CUL2: variants seen among roughly 807,000 people sequenced by gnomAD.
The protein encoded by CUL2 is cullin-2.
Under a neutral mutation model 110.2 loss-of-function variants are expected in CUL2, and 22 were observed. The ratio of observed to expected loss-of-function variants is 0.20; its 90% CI spans 0.14 to 0.28. The LOEUF is 0.28. Among genes scored for constraint, CUL2 ranks in the 10% least tolerant of loss-of-function variants. The pLI, the probability that CUL2 is intolerant of heterozygous loss-of-function variation, is 1.00. For missense variants in CUL2, 631 were observed against 905.5 expected (o/e 0.70, Z 3.89); for synonymous variants, 279 against 293.2 (o/e 0.95, Z 0.49).
chr10:35,063,123 T>C, intron 2 of CUL2, 61 bp from the exon 3 acceptor site: 2 of 975,796 alleles, frequency 2.0e-6, no homozygotes, highest in Non-Finnish European at 3.2e-6. Context: ...TAATGAGATT[T>C]ACCTTGTTTG....
chr10:35,082,099 C>A (rs2086958292), intron 1 of CUL2, among the ~76,000 whole-genome samples: 1 of 151,634 alleles, frequency 6.6e-6, no homozygotes, highest in African/African-American at 2.4e-5. Context: ...GAGTTCAAGA[C>A]CAGCCTGGGA....
At chr10:35,013,614 T>C (rs888916229) in intron 19 of CUL2, 85 bp downstream of exon 19, 3 of 859,248 alleles carry the variant, frequency 3.5e-6, no homozygotes, top group Admixed American at 3.2e-5. Flanking sequence ...GTGCAAAGTT[T>C]TGCACAATCT....
chr10:35,040,653 G>A (rs547174266), intron 8 of CUL2, among the ~76,000 whole-genome samples: 7 of 152,266 alleles, frequency 4.6e-5, no homozygotes, highest in East Asian at 1.9e-4. Flanking sequence ...GGGCAAGAAG[G>A]GGTCTAGAGC....
At chr10:35,027,860 G>C (rs2085375101) in intron 16 of CUL2, among the ~76,000 whole-genome samples, 1 of 152,100 alleles carries the variant, frequency 6.6e-6, no homozygotes, top group South Asian at 2.1e-4. Flanking sequence ...TTTGTAAATG[G>C]GGAAACTAAA....
rs146372843 is a variant in CUL2, at chr10:35,112,397, G to C, written c.-50-11337C>G. 2.5e-3 allele frequency among the ~76,000 whole-genome samples: 382 copies of C among 152,316 alleles called. 3 individuals carry two copies. Among genetic ancestry groups the C allele is most frequent in the African/African-American group, 8.9e-3 (370 of 41,580 alleles). ...AAACAGAGGTGACTCCTACAATTGA[G>C]CCAGCTTACTGTCTGGAGGGAGTTT... is the stretch of plus-strand genomic sequence containing the variant. On this transcript the variant is annotated intron_variant, in intron 1 of 5. Coordinates refer to the CUL2 transcript ENST00000685421.
rs894716604 is a variant in CUL2, at chr10:35,089,395, G to A, written c.-23+784C>T. ...CAATCAGATCAAAGTGATTATTTCC[G>A]ATACTTTACTACGAAGGTAGGCTTG... is the stretch of plus-strand genomic sequence containing the variant. On this transcript the variant is annotated intron_variant, in intron 1 of 20. Coordinates refer to ENST00000374749, the MANE Select transcript of CUL2 (RefSeq NM_003591.4). Among the ~76,000 whole-genome samples the A allele has an allele frequency of 4.6e-5, 7 of 152,284 alleles. No individual in the cohort carries two copies. The East Asian group carries it at 5.8e-4, about 13-fold the overall frequency.
At chr10:35,123,853 A>C (rs1238484452) in intron 1 of CUL2, among the ~76,000 whole-genome samples, 3 of 152,226 alleles carry the variant, frequency 2.0e-5, no homozygotes, top group Non-Finnish European at 2.9e-5. Context: ...TTTGGGTATA[A>C]ATTTTAGAAT....
At chr10:35,059,428 A>T (rs768661168) in intron 4 of CUL2, among the ~76,000 whole-genome samples, 22 of 152,100 alleles carry the variant, frequency 1.4e-4, no homozygotes, top group Non-Finnish European at 2.8e-4. Flanking sequence ...AAAGGATTAC[A>T]ACTTGCTGAA....
At chr10:35,046,113 G>C (rs1408746015) in intron 6 of CUL2, among the ~76,000 whole-genome samples, 1 of 152,162 alleles carries the variant, frequency 6.6e-6, no homozygotes. Flanking sequence ...GATATTCTGA[G>C]AACTATTTTT....
At chr10:35,117,698 G>A (rs11599606) in intron 1 of CUL2, among the ~76,000 whole-genome samples, 44,564 of 152,068 alleles carry the variant, frequency 0.29, 7,058 homozygotes, top group South Asian at 0.35. Flanking sequence ...TGTGAGTGGT[G>A]TATTACTGAA....
intron 1 of CUL2, among the ~76,000 whole-genome samples, chr10:35,119,141 A>G (rs1421853902): frequency 6.6e-6 from 1 of 152,226 alleles, no homozygotes; most frequent in Non-Finnish European, 1.5e-5. Flanking sequence ...TCACCTACAC[A>G]TAGCAGCCGA....
chr10:35,064,695 T>G (rs1252577149), intron 2 of CUL2, among the ~76,000 whole-genome samples: 5 of 152,210 alleles, frequency 3.3e-5, no homozygotes, highest in Non-Finnish European at 7.3e-5. Context: ...GCTTTATTTA[T>G]TTATATTTTT....
At chr10:35,058,900 A>G (rs989973282) in intron 4 of CUL2, among the ~76,000 whole-genome samples, 3 of 152,180 alleles carry the variant, frequency 2.0e-5, no homozygotes, top group African/African-American at 4.8e-5. Flanking sequence ...CAGTCACTCA[A>G]TTCAGTTAAC....
chr10:35,074,192 C>T (rs1396536861), intron 1 of CUL2: 2 of 1,535,452 alleles, frequency 1.3e-6, no homozygotes, highest in Admixed American at 3.9e-5. Context: ...AATAACCTAC[C>T]TAAGCCAAAA....
intron 17 of CUL2, among the ~76,000 whole-genome samples, chr10:35,017,882 A>C (rs1361386682): frequency 6.6e-6 from 1 of 151,776 alleles, no homozygotes; most frequent in Admixed American, 6.6e-5. Flanking sequence ...GTTTAAAAAA[A>C]AAAAAAAAGA....
chr10:35,096,447 A>G (rs1249756840), intron 2 of CUL2, among the ~76,000 whole-genome samples: 2 of 151,862 alleles, frequency 1.3e-5, no homozygotes, highest in Non-Finnish European at 2.9e-5. Context: ...TCTATGAAAA[A>G]TAAATACAAC....
At chr10:35,034,319 T>C (rs2085563802) in intron 10 of CUL2, among the ~76,000 whole-genome samples, 1 of 152,130 alleles carries the variant, frequency 6.6e-6, no homozygotes, top group Non-Finnish European at 1.5e-5. Context: ...TATAAACTAA[T>C]AGTTCTACAA....
chr10:35,010,471 C>T (rs770897688), intron 20 of CUL2, 29 bp from the exon 21 acceptor site: 1 of 1,577,984 alleles, frequency 6.3e-7, no homozygotes, highest in Non-Finnish European at 8.6e-7. Context: ...AGTCAAACTA[C>T]TGCCAGTTCT....
chr10:35,107,602 G>A (rs2087475507), intron 1 of CUL2, among the ~76,000 whole-genome samples: 1 of 151,518 alleles, frequency 6.6e-6, no homozygotes, highest in African/African-American at 2.4e-5. Context: ...GAAGACTTGG[G>A]CCTGGCGCGG....
Sources: allele counts gnomAD v4.1 joint callset (sites outside exome capture counted in the v4.1 genomes callset), GRCh38; gene constraint gnomAD v4.1.1; transcripts MANE v1.5; gene names NCBI Gene and HGNC (gene_info 2026-07-23, HGNC 2026-07-21).